The following GINM1 variants were observed in gnomAD, a reference collection of about 807,000 sequenced individuals.
GINM1 encodes glycosylated integral membrane protein 1.
Under a neutral mutation model 37.8 loss-of-function variants are expected in GINM1, and 29 were observed. The ratio of observed to expected loss-of-function variants is 0.77; its 90% CI spans 0.57 to 1.05. GINM1 has a LOEUF of 1.05. Ranked by LOEUF, GINM1 falls within the 50% of genes least tolerant of loss-of-function variation. The pLI is 0.00. For synonymous variants in GINM1, 143 were observed against 146.2 expected (o/e 0.98, Z 0.16); for missense variants, 377 against 397.9 (o/e 0.95, Z 0.45).
chr6:149,573,334 C>T (rs538938397), intron 3 of GINM1, among the ~76,000 whole-genome samples: 2 of 151,892 alleles, frequency 1.3e-5, no homozygotes, highest in Middle Eastern at 3.4e-3. Flanking sequence ...TAAAAATATA[C>T]ATCACTGAAG....
intron 3 of GINM1, among the ~76,000 whole-genome samples, chr6:149,575,052 T>C (rs1777893948): frequency 6.6e-6 from 1 of 152,230 alleles, no homozygotes; most frequent in South Asian, 2.1e-4. Context: ...TGTAGTCCAA[T>C]ATTCATGTGT....
chr6:149,566,936 C>T lies in GINM1; in HGVS notation c.120+402C>T, dbSNP rs1043187332. ...GGAAGTGTGGAAGTTGCCCACTTCG[C>T]GCATTTCCAGGCCACTTGTGCCTGC... On this transcript the variant is annotated intron_variant, in intron 1 of 7. Transcript: ENST00000367419. This position sits in a 1 kb window ranked among gnomAD's most constrained non-coding sequence, Gnocchi z 4.4. Among the ~76,000 whole-genome samples the T allele has an allele frequency of 2.0e-5, 3 of 152,238 alleles. No homozygotes were observed. Among genetic ancestry groups the T allele is most frequent in the Admixed American group, 1.3e-4 (2 of 15,292 alleles).
Position 149,579,986 on chromosome 6 carries a change from A to T in GINM1, c.582A>T (p.Lys194Asn), listed in dbSNP as rs988930993. 2.5e-6 allele frequency: 4 copies of T among 1,571,968 alleles called. No individual in the cohort carries two copies. The highest frequency in any genetic ancestry group is 1.4e-5 in the African/African-American group (1 of 73,066). Residue 194 changes from lysine to asparagine, a missense_variant, in exon 5 of 8, where the codon AAA (lysine) becomes AAT (asparagine). By Grantham distance (94) the Lys-to-Asn change is moderately conservative. Coordinates refer to ENST00000367419, the MANE Select transcript of GINM1 (RefSeq NM_138785.5). ...TATTTACCCTTCCTAACCTCTCCAA[A>T]AAAGGTAACTTAAAAGACCATTATT... ...DILFTLPNLSKKESVSSLQTT... is the reference protein window; with the variant it reads ...DILFTLPNLSNKESVSSLQTT...
intron 1 of GINM1, among the ~76,000 whole-genome samples, chr6:149,571,805 G>A (rs998492258): frequency 2.1e-4 from 32 of 151,908 alleles, no homozygotes; most frequent in African/African-American, 7.3e-4. Context: ...AAATTAGACC[G>A]GGCGCGGTGA....
chr6:149,589,093 C>T (rs772126523), intron 7 of GINM1, among the ~76,000 whole-genome samples: 16 of 149,670 alleles, frequency 1.1e-4, no homozygotes, highest in African/African-American at 3.9e-4. Context: ...CGTGAGCCAC[C>T]GTGCCCAGCC....
chr6:149,576,308 C>T (rs1777913519), intron 3 of GINM1: 1 of 152,166 alleles, frequency 6.6e-6, no homozygotes, highest in Non-Finnish European at 1.5e-5. Flanking sequence ...CCCCATAGAG[C>T]ATCTCACAAC....
Position 149,566,403 on chromosome 6 carries a change from G to T in GINM1, c.-12G>T. On this transcript the variant is annotated 5_prime_UTR_variant, in exon 1 of 8. Transcript: ENST00000367419. This position sits in a 1 kb window ranked among gnomAD's most constrained non-coding sequence, Gnocchi z 4.4. Reference sequence around the variant, plus strand: ...TCCCGGCCGCGGCTGCCCTCTGCCCGGGTTGTCCAAGATGGAGGGCGCTCC... The same window carrying T: ...TCCCGGCCGCGGCTGCCCTCTGCCCTGGTTGTCCAAGATGGAGGGCGCTCC... 2.6e-6 allele frequency: 4 copies of T among 1,542,648 alleles called. No homozygotes were observed. The highest frequency in any genetic ancestry group is 3.5e-6 in the Non-Finnish European group (4 of 1,153,768).
In GINM1 at chr6:149,583,628, G is replaced by GAAA. The variant is rs112596826; in HGVS notation, c.881+1039_881+1041dup. ...TGGGAAACGAGCAAAACTCCCTCTC[G>GAAA]AAAAAAAAAAAAAAAAGTAAAAGCA... On this transcript the variant is annotated intron_variant, in intron 7 of 7. Transcript: ENST00000367419. Among the ~76,000 whole-genome samples the GAAA allele has an allele frequency of 3.8e-4, 38 of 100,996 alleles. 2 individuals are homozygous for GAAA. Among genetic ancestry groups the GAAA allele is most frequent in the Admixed American group, 3.1e-3 (29 of 9,434 alleles). The allele number at this position is 100,996 out of a possible 152,430, so 66.3% of individuals were successfully genotyped here.
chr6:149,580,784 T>A, intron 6 of GINM1, 61 bp downstream of exon 6: 1 of 1,475,310 alleles, frequency 6.8e-7, no homozygotes. Context: ...AAATCGACCC[T>A]AGCATTTAAA....
chr6:149,580,786 G>T, intron 6 of GINM1, 63 bp downstream of exon 6: 1 of 1,463,900 alleles, frequency 6.8e-7, no homozygotes. Context: ...ATCGACCCTA[G>T]CATTTAAAAT....
chr6:149,570,561 G>A (rs1777804186), intron 1 of GINM1, among the ~76,000 whole-genome samples: 1 of 152,088 alleles, frequency 6.6e-6, no homozygotes, highest in Admixed American at 6.6e-5. Context: ...TATGATGTTG[G>A]TCTTGTGTGG....
intron 7 of GINM1, among the ~76,000 whole-genome samples, chr6:149,589,460 A>C (rs1486256668): frequency 6.7e-6 from 1 of 148,664 alleles, no homozygotes; most frequent in Non-Finnish European, 1.5e-5. Flanking sequence ...TTTAGTAGAG[A>C]CAGGGTTTCA....
chr6:149,574,452 C>T (rs1202105243), intron 3 of GINM1, among the ~76,000 whole-genome samples: 1 of 152,184 alleles, frequency 6.6e-6, no homozygotes, highest in Non-Finnish European at 1.5e-5. Flanking sequence ...CTTCTTGTTT[C>T]CTCTTTGTCC....
At chr6:149,573,228 C>T (rs1777857583) in intron 3 of GINM1, among the ~76,000 whole-genome samples, 1 of 152,044 alleles carries the variant, frequency 6.6e-6, no homozygotes, top group Non-Finnish European at 1.5e-5. Context: ...TCGTTTGAAC[C>T]CAGGAGGCGG....
chr6:149,589,095 T>C (rs1447580113), intron 7 of GINM1, among the ~76,000 whole-genome samples: 1 of 148,364 alleles, frequency 6.7e-6, no homozygotes, highest in Non-Finnish European at 1.5e-5. Flanking sequence ...TGAGCCACCG[T>C]GCCCAGCCAT....
chr6:149,585,189 T>C (rs943053492), intron 7 of GINM1, among the ~76,000 whole-genome samples: 2 of 152,222 alleles, frequency 1.3e-5, no homozygotes, highest in African/African-American at 2.4e-5. Flanking sequence ...TGTTTTGTTA[T>C]GGGTTTCTCT....
At chr6:149,572,766 A>G (rs1777849375) in intron 3 of GINM1, among the ~76,000 whole-genome samples, 163 bp downstream of exon 3, 1 of 152,078 alleles carries the variant, frequency 6.6e-6, no homozygotes, top group African/African-American at 2.4e-5. Context: ...GGTTCAAATG[A>G]TTCTCATTCC....
At position 149,582,567 on chromosome 6, in the gene GINM1, C is replaced by T. The variant is rs533765799; in HGVS notation, c.845C>T (p.Thr282Ile). 1.7e-5 allele frequency: 28 copies of T among 1,604,302 alleles called. No individual in the cohort carries two copies. In the South Asian group the frequency reaches 3.1e-4, roughly 18 times the overall value. ...ATTACAGGAGCAGCTGTGGTAATAA[C>T]CATCTTAAAGGTGTTTTTCCCAGTT... is the stretch of plus-strand genomic sequence containing the variant. ...VGITGAAVVI[T>I]ILKVFFPVSE... is the part of the protein sequence containing the mutation. Residue 282 changes from threonine (T) to isoleucine (I), a missense_variant, in exon 7 of 8, where the codon ACC becomes ATC. Coordinates refer to ENST00000367419, the MANE Select transcript of GINM1 (RefSeq NM_138785.5).
Position 149,582,478 on chromosome 6 carries a change from G to A in GINM1, c.756G>A (p.Leu252=), listed in dbSNP as rs1417260303. ...CQWMEKFRKD[L]CRFWSNVFPV... is the part of the protein sequence containing the mutation. ...GGATGGAAAAGTTTAGAAAAGATCT[G>A]TGTAGGTTCTGGAGCAACGTTTTCC... The change falls in exon 7 of 8, where the codon CTG becomes CTA. Residue 252 remains leucine (L), a synonymous_variant. Coordinates refer to ENST00000367419, the MANE Select transcript of GINM1 (RefSeq NM_138785.5). 1.2e-6 allele frequency: 2 copies of A among 1,610,826 alleles called. No homozygotes were observed. Among genetic ancestry groups the A allele is most frequent in the African/African-American group, 1.3e-5 (1 of 74,772 alleles).
Sources: allele counts gnomAD v4.1 joint callset (sites outside exome capture counted in the v4.1 genomes callset), GRCh38; gene constraint gnomAD v4.1.1; non-coding constraint Gnocchi (gnomAD v3.1); transcripts MANE v1.5; gene names NCBI Gene and HGNC (gene_info 2026-07-23, HGNC 2026-07-21).